Variants in GPR39 observed in about 807,000 individuals in gnomAD.
GPR39 encodes G protein-coupled receptor 39.
In GPR39, 23 loss-of-function variants were observed where a neutral mutation model predicts 18.4. The ratio of observed to expected loss-of-function variants is 1.25; its 90% CI spans 0.90 to 1.77. The LOEUF is 1.77. GPR39 is among the 40% of genes most tolerant of loss of function. GPR39 has a pLI of 0.00. For missense variants in GPR39, 647 were observed against 602.4 expected, an observed-to-expected ratio of 1.07 and a Z score of -0.78; for synonymous variants, 280 against 257.9, an observed-to-expected ratio of 1.09 and a Z score of -0.82.
chr2:132,551,282 G>A (rs1224824630), intron 1 of GPR39, among the ~76,000 whole-genome samples: 1 of 150,676 alleles, frequency 6.6e-6, no homozygotes, highest in Non-Finnish European at 1.5e-5. Context: ...TGTTATTGGG[G>A]GAAAAAAAAA....
chr2:132,627,849 T>C (rs1406903786), intron 1 of GPR39, among the ~76,000 whole-genome samples: 1 of 152,214 alleles, frequency 6.6e-6, no homozygotes, highest in Non-Finnish European at 1.5e-5. Context: ...TCCTGCCTTC[T>C]CTGGATCCCC....
intron 1 of GPR39, among the ~76,000 whole-genome samples, chr2:132,484,540 A>G (rs1188486065): frequency 2.0e-5 from 3 of 152,180 alleles, no homozygotes; most frequent in South Asian, 2.1e-4. Context: ...GGGAAATCCA[A>G]TTGGTCCATC....
chr2:132,448,423 C>G (rs1164568123), intron 1 of GPR39, among the ~76,000 whole-genome samples: 1 of 152,180 alleles, frequency 6.6e-6, no homozygotes, highest in Non-Finnish European at 1.5e-5. Flanking sequence ...TAGGCACATG[C>G]AGAGGCAAAG....
chr2:132,589,765 C>G (rs1051442355), intron 1 of GPR39, among the ~76,000 whole-genome samples: 1 of 152,194 alleles, frequency 6.6e-6, no homozygotes, highest in African/African-American at 2.4e-5. Flanking sequence ...CTGCCAGAGC[C>G]ATAAAGATTA....
At chr2:132,625,178 T>G (rs1681519922) in intron 1 of GPR39, among the ~76,000 whole-genome samples, 1 of 152,056 alleles carries the variant, frequency 6.6e-6, no homozygotes, top group Admixed American at 6.6e-5. Flanking sequence ...TTGGCCATTC[T>G]GTTGAGTACA....
chr2:132,501,054 G>GTTTTTTTTTTTTTTTTTTTTTTCTTTTT (rs55720929), intron 1 of GPR39, among the ~76,000 whole-genome samples: 1 of 90,326 alleles, frequency 1.1e-5, no homozygotes, highest in Non-Finnish European at 2.2e-5. Context: ...TATCTTTTGT[G>GTTTTTTTTTTTTTTTTTTTTTTCTTTTT]TTTTTTTTTT....
In GPR39 at chr2:132,617,334, C is replaced by T. The variant is rs138035733; in HGVS notation, c.857-27767C>T. On this transcript the variant is annotated intron_variant, in intron 1 of 1. Transcript: ENST00000329321. Reference sequence around the variant, plus strand: ...TTGGAGGATATTACAGAGTTGTTTTCGAGGAGGCTGAGCAGGCTTTCTTTT... The same window carrying T: ...TTGGAGGATATTACAGAGTTGTTTTTGAGGAGGCTGAGCAGGCTTTCTTTT... Among the ~76,000 whole-genome samples, 139 of 151,112 alleles carry T rather than the reference C, an allele frequency of 9.2e-4. 2 individuals carry two copies. Among genetic ancestry groups the T allele is most frequent in the African/African-American group, 3.2e-3 (130 of 41,144 alleles).
chr2:132,424,003 CAA>C lies in GPR39; in HGVS notation c.856+6107_856+6108del, dbSNP rs1680067347. 2.6e-5 allele frequency among the ~76,000 whole-genome samples: 4 copies of C among 152,108 alleles called. No homozygotes were observed. In the South Asian group the frequency reaches 6.2e-4, roughly 24 times the overall value. ...CAAAAGTGTTCTGGTTCATCTGAAC[CAA>C]AGATGCTATCTTTGAAAGGGTTATG... On this transcript the variant is annotated intron_variant, in intron 1 of 1. Coordinates refer to ENST00000329321, the MANE Select transcript of GPR39 (RefSeq NM_001508.3).
chr2:132,501,227 G>T lies in GPR39; in HGVS notation c.856+83329G>T, dbSNP rs561788691. Among the ~76,000 whole-genome samples the T allele has an allele frequency of 7.3e-4, 111 of 151,938 alleles. 2 individuals are homozygous for T. Among genetic ancestry groups the T allele is most frequent in the Admixed American group, 7.3e-3 (111 of 15,264 alleles). On this transcript the variant is annotated intron_variant, in intron 1 of 1. Coordinates refer to ENST00000329321, the MANE Select transcript of GPR39 (RefSeq NM_001508.3). Reference sequence around the variant, plus strand: ...AGACTTTTTGATGTAGGCATTTAATGCTATGAACTTTCCTCTAGCATGGTT... The same window carrying T: ...AGACTTTTTGATGTAGGCATTTAATTCTATGAACTTTCCTCTAGCATGGTT...
At chr2:132,471,705 A>G (rs1363025254) in intron 1 of GPR39, among the ~76,000 whole-genome samples, 6 of 151,306 alleles carry the variant, frequency 4.0e-5, no homozygotes, top group Non-Finnish European at 5.9e-5. Context: ...TTCACTTTCA[A>G]TAGGCTGCTA....
intron 1 of GPR39, among the ~76,000 whole-genome samples, chr2:132,585,935 C>T (rs913896071): frequency 7.4e-6 from 1 of 134,962 alleles, no homozygotes; most frequent in Non-Finnish European, 1.5e-5. Flanking sequence ...TCGGGCTTCT[C>T]GAAGCATCCC....
At chr2:132,575,997 C>T (rs966935398) in intron 1 of GPR39, among the ~76,000 whole-genome samples, 2 of 152,150 alleles carry the variant, frequency 1.3e-5, no homozygotes, top group Non-Finnish European at 2.9e-5. Context: ...TGGGCCCTCA[C>T]TAGACACCAA....
chr2:132,615,227 T>A (rs67992216), intron 1 of GPR39, among the ~76,000 whole-genome samples: 27,671 of 152,156 alleles, frequency 0.18, 3,016 homozygotes, highest in Non-Finnish European at 0.24. Flanking sequence ...AACTCAGCCA[T>A]GAGCTCACAA....
At chr2:132,531,516 T>G (rs947491022) in intron 1 of GPR39, among the ~76,000 whole-genome samples, 3 of 152,202 alleles carry the variant, frequency 2.0e-5, no homozygotes, top group Non-Finnish European at 4.4e-5. Flanking sequence ...AATAGACAAC[T>G]ACAGAACTCT....
At chr2:132,447,396 C>T (rs1467271681) in intron 1 of GPR39, among the ~76,000 whole-genome samples, 1 of 152,188 alleles carries the variant, frequency 6.6e-6, no homozygotes, top group Non-Finnish European at 1.5e-5. Context: ...TTGTTGCTGA[C>T]ATTTCGTTAC....
intron 1 of GPR39, among the ~76,000 whole-genome samples, chr2:132,538,825 CT>C (rs1208723817): frequency 6.6e-6 from 1 of 152,212 alleles, no homozygotes; most frequent in Non-Finnish European, 1.5e-5. Context: ...GTGGTGAATT[CT>C]GCTCAGTCCA....
intron 1 of GPR39, among the ~76,000 whole-genome samples, chr2:132,611,723 C>T (rs1184986284): frequency 1.3e-5 from 2 of 151,968 alleles, no homozygotes; most frequent in African/African-American, 4.8e-5. Flanking sequence ...CACCCACATC[C>T]TTGTTCCTTT....
At chr2:132,493,509 T>C (rs1298920419) in intron 1 of GPR39, among the ~76,000 whole-genome samples, 1 of 54,928 alleles carries the variant, frequency 1.8e-5, no homozygotes, top group Non-Finnish European at 3.6e-5. Flanking sequence ...ATACACCATA[T>C]ATATATATAT....
chr2:132,523,959 C>A (rs1573645485), intron 1 of GPR39: 1 of 152,688 alleles, frequency 6.5e-6, no homozygotes, highest in Non-Finnish European at 1.5e-5. Flanking sequence ...CCCAGACAGG[C>A]AGTATCAGCA....
Sources: gnomAD v4.1 joint callset for allele counts (sites outside exome capture counted in the v4.1 genomes callset) on GRCh38, gnomAD v4.1.1 for gene constraint, MANE v1.5 for transcripts, NCBI Gene and HGNC (gene_info 2026-07-23, HGNC 2026-07-21) for gene names.